STARD13: variants seen among roughly 807,000 people sequenced by gnomAD.
STARD13 encodes StAR related lipid transfer domain containing 13, also known as stAR-related lipid transfer protein 13.
In STARD13, 62 loss-of-function variants were observed where a neutral mutation model predicts 106.4. The ratio of observed to expected loss-of-function variants is 0.58; its 90% confidence interval spans 0.48 to 0.72. The LOEUF is 0.72. Ranked by LOEUF, STARD13 falls within the 30% of genes least tolerant of loss-of-function variation. The pLI, the probability that STARD13 is intolerant of heterozygous loss-of-function variation, is 0.00. For missense variants in STARD13, 1,387 were observed against 1,424.0 expected, an observed-to-expected ratio of 0.97 and a Z score of 0.42; for synonymous variants, 565 against 553.0, an observed-to-expected ratio of 1.02 and a Z score of -0.31.
the STARD13 span, among the ~76,000 whole-genome samples, chr13:33,478,506 G>A: frequency 6.6e-6 from 1 of 151,706 alleles, no homozygotes; most frequent in African/African-American, 2.4e-5. Flanking sequence ...TATAAATTCT[G>A]GTGTATTATA....
the STARD13 span, among the ~76,000 whole-genome samples, chr13:33,670,161 C>A: frequency 6.6e-6 from 1 of 152,110 alleles, no homozygotes; most frequent in South Asian, 2.1e-4. Flanking sequence ...GATGAGACTA[C>A]GATACAGGCT....
chr13:33,611,156 T>C, the STARD13 span: 1 of 152,282 alleles, frequency 6.6e-6, no homozygotes, highest in African/African-American at 2.4e-5. Flanking sequence ...TTCCACCACA[T>C]AATCTTCCCT....
chr13:33,175,688 G>A (rs1884441851), intron 1 of STARD13, among the ~76,000 whole-genome samples: 1 of 152,188 alleles, frequency 6.6e-6, no homozygotes. Context: ...CTTGCCTGGG[G>A]AAGAGCAACT....
chr13:33,315,035 A>G (rs1428923025), intron 1 of STARD13, among the ~76,000 whole-genome samples: 1 of 152,216 alleles, frequency 6.6e-6, no homozygotes, highest in Non-Finnish European at 1.5e-5. Flanking sequence ...TGTACATAAG[A>G]TCTGGATGAT....
intron 1 of STARD13, among the ~76,000 whole-genome samples, chr13:33,304,175 T>A (rs1892820451): frequency 6.6e-6 from 1 of 152,250 alleles, no homozygotes; most frequent in Non-Finnish European, 1.5e-5. Context: ...AGGTTTTAGA[T>A]CTTGTTACTG....
intron 1 of STARD13, among the ~76,000 whole-genome samples, chr13:33,308,815 C>T (rs548649918): frequency 1.3e-5 from 2 of 152,270 alleles, no homozygotes; most frequent in South Asian, 2.1e-4. Context: ...TGAGCCACCA[C>T]GCCCAGCCTG....
the STARD13 span, among the ~76,000 whole-genome samples, chr13:33,625,305 C>T: frequency 0.047 from 7,151 of 152,262 alleles, 311 homozygotes; most frequent in East Asian, 0.17. Context: ...GGTGTGGTGG[C>T]TCACGCCTGT....
chr13:33,517,818 A>G, the STARD13 span, among the ~76,000 whole-genome samples: 8 of 152,248 alleles, frequency 5.3e-5, no homozygotes, highest in South Asian at 1.7e-3. Flanking sequence ...AAATCCATAC[A>G]GAGACATGTT....
At chr13:33,592,856 G>A in the STARD13 span, among the ~76,000 whole-genome samples, 37 of 152,164 alleles carry the variant, frequency 2.4e-4, 1 homozygote, top group South Asian at 8.3e-4. Flanking sequence ...GGGTAATGTA[G>A]GCCTAAAGCC....
At position 33,109,976 on chromosome 13, in the gene STARD13, C is replaced by G; in HGVS notation, c.2944G>C (p.Val982Leu). 4 of 1,614,248 alleles carry G rather than the reference C, an allele frequency of 2.5e-6. No homozygotes were observed. Among genetic ancestry groups the G allele is most frequent in the Non-Finnish European group, 3.4e-6 (4 of 1,180,042 alleles). ...RERHLWDEDF[V>L]QWKVVETLDR... ...AGAGTTTCCACAACCTTCCACTGCA[C>G]AAAGTCCTCGTCCCACAGGTGGCGC... is the stretch of plus-strand genomic sequence containing the variant. Residue 982 changes from valine to leucine, a missense_variant, in exon 12 of 14, where the codon GTG becomes CTG. Physicochemically the swap from Val to Leu is conservative, Grantham distance 32 (BLOSUM62 1). Coordinates refer to ENST00000336934, the MANE Select transcript of STARD13 (RefSeq NM_178006.4).
At chr13:33,627,230 G>A in the STARD13 span, among the ~76,000 whole-genome samples, 2 of 152,208 alleles carry the variant, frequency 1.3e-5, no homozygotes, top group Non-Finnish European at 2.9e-5. Context: ...CAAACATTAT[G>A]TAAGTAGTTA....
intron 1 of STARD13, among the ~76,000 whole-genome samples, chr13:33,197,380 GT>G (rs1321179663): frequency 1.3e-5 from 2 of 151,690 alleles, no homozygotes; most frequent in Admixed American, 1.3e-4. Flanking sequence ...GCTATTTGGT[GT>G]GAATTGAGTT....
At chr13:33,268,823 T>C (rs1891028070) in intron 1 of STARD13, among the ~76,000 whole-genome samples, 1 of 152,198 alleles carries the variant, frequency 6.6e-6, no homozygotes, top group Non-Finnish European at 1.5e-5. Flanking sequence ...ATTATTAGCA[T>C]CAATCACAAA....
At chr13:33,489,263 T>C in the STARD13 span, among the ~76,000 whole-genome samples, 7 of 152,246 alleles carry the variant, frequency 4.6e-5, no homozygotes, top group African/African-American at 1.4e-4. Context: ...AAATATCAAG[T>C]TATATAATCT....
the STARD13 span, among the ~76,000 whole-genome samples, chr13:33,382,707 C>T: frequency 2.6e-5 from 4 of 152,014 alleles, no homozygotes; most frequent in East Asian, 3.9e-4. Context: ...CAGAAAAATG[C>T]GATTCCATTG....
the STARD13 span, among the ~76,000 whole-genome samples, chr13:33,550,450 G>A: frequency 2.6e-5 from 4 of 152,156 alleles, no homozygotes; most frequent in Admixed American, 2.6e-4. Flanking sequence ...TGTAGTCAGT[G>A]TTTTTCTGGT....
chr13:33,189,486 T>A (rs2138497046), intron 1 of STARD13, among the ~76,000 whole-genome samples: 1 of 148,100 alleles, frequency 6.8e-6, no homozygotes, highest in East Asian at 2.1e-4. Context: ...TGGTTTGTCG[T>A]CCTTTCAAAA....
At chr13:33,444,657 A>ATGC in the STARD13 span, among the ~76,000 whole-genome samples, 11 of 152,110 alleles carry the variant, frequency 7.2e-5, no homozygotes, top group African/African-American at 2.7e-4. Flanking sequence ...AATCCCAGCC[A>ATGC]CTAGAGAGAC....
chr13:33,656,163 T>G, the STARD13 span, among the ~76,000 whole-genome samples: 1 of 152,202 alleles, frequency 6.6e-6, no homozygotes, highest in African/African-American at 2.4e-5. Context: ...CCCTCCTACC[T>G]CAACAGAATC....
Sources: allele counts gnomAD v4.1 joint callset (sites outside exome capture counted in the v4.1 genomes callset), GRCh38; gene constraint gnomAD v4.1.1; transcripts MANE v1.5; gene names NCBI Gene and HGNC (gene_info 2026-07-23, HGNC 2026-07-21).